Variants in SLC35F1 observed in about 807,000 individuals in gnomAD.
The protein encoded by SLC35F1 is solute carrier family 35 member F1.
In SLC35F1, 14 loss-of-function variants were observed where a neutral mutation model predicts 48.7. The ratio of observed to expected loss-of-function variants is 0.29; its 90% confidence interval spans 0.19 to 0.45. The LOEUF is 0.45. Ranked by LOEUF, SLC35F1 falls within the 20% of genes least tolerant of loss-of-function variation. The pLI is 1.00. For missense variants in SLC35F1, 404 were observed against 500.0 expected (o/e 0.81, Z 1.83); for synonymous variants, 190 against 202.2 (o/e 0.94, Z 0.51).
intron 2 of SLC35F1, among the ~76,000 whole-genome samples, chr6:118,234,770 G>A (rs895614983): frequency 1.3e-5 from 2 of 152,136 alleles, no homozygotes; most frequent in East Asian, 1.9e-4. Flanking sequence ...AATTATTATT[G>A]TTCCTGATCA....
intron 2 of SLC35F1, among the ~76,000 whole-genome samples, chr6:118,161,107 T>C (rs1774224699): frequency 6.6e-6 from 1 of 152,100 alleles, no homozygotes; most frequent in Non-Finnish European, 1.5e-5. Flanking sequence ...GAGAATTTCA[T>C]GTGAAATAAA....
rs537289789 is a variant in SLC35F1 at position 118,267,227 on chromosome 6, G to T, written c.637+73G>T. The stretch of plus-strand genomic sequence containing the variant: ...CAAGGCAAGAAATGGAATGTTCATA[G>T]TTGGGTGAAAACAAGGACCTTAGGA... On this transcript the variant is annotated intron_variant, in intron 4 of 7. Coordinates refer to ENST00000360388, the MANE Select transcript of SLC35F1 (RefSeq NM_001029858.4). 20 of 1,564,756 alleles carry T rather than the reference G, an allele frequency of 1.3e-5. No individual in the cohort carries two copies. In the South Asian group the frequency reaches 2.2e-4, roughly 17 times the overall value.
chr6:118,172,504 G>T (rs1774421298), intron 2 of SLC35F1, among the ~76,000 whole-genome samples: 1 of 152,068 alleles, frequency 6.6e-6, no homozygotes, highest in Non-Finnish European at 1.5e-5. Flanking sequence ...GAAGTAGGTT[G>T]CAGGAATCCC....
chr6:118,297,652 T>A lies in SLC35F1; in HGVS notation c.1002+12314T>A, dbSNP rs866613305. 2.7e-3 allele frequency among the ~76,000 whole-genome samples: 230 copies of A among 84,160 alleles called. 2 individuals carry two copies. The highest frequency in any genetic ancestry group is 0.012 in the African/African-American group (215 of 17,462). The allele number at this position is 84,160 out of a possible 152,430, so 55.2% of individuals were successfully genotyped here. A position where few individuals can be genotyped will look rare whatever the true frequency, so the allele number is the denominator to read the frequency against. On this transcript the variant is annotated intron_variant, in intron 7 of 7. Transcript: ENST00000360388. ...TATATATATATAAAAAATATATATA[T>A]AATATATATAATATTATATAAGTTC...
At position 118,315,562 on chromosome 6, in the gene SLC35F1, CCCGAGTAGCTGGGA is replaced by C. The variant is rs1247861148; in HGVS notation, c.*1312_*1325del. ...TCACACCATTCTCCTGCCTCAGCCTCCCGAGTAGCTGGGACTACAGGCACCTGCCACGACGCCCA... is the reference window on the plus strand; with the variant it reads ...TCACACCATTCTCCTGCCTCAGCCTCCTACAGGCACCTGCCACGACGCCCA... On this transcript the variant is annotated 3_prime_UTR_variant, in exon 8 of 8. Coordinates refer to ENST00000360388, the MANE Select transcript of SLC35F1 (RefSeq NM_001029858.4). 1.3e-5 allele frequency: 2 copies of C among 151,824 alleles called. No individual in the cohort carries two copies. The highest frequency in any genetic ancestry group is 1.9e-4 in the East Asian group (1 of 5,148). The allele number at this position is 151,824 out of a possible 1,614,324, so 9.4% of individuals were successfully genotyped here. A position where few individuals can be genotyped will look rare whatever the true frequency, so the allele number is the denominator to read the frequency against.
chr6:118,102,012 C>T (rs1773265098), intron 1 of SLC35F1, among the ~76,000 whole-genome samples: 2 of 152,098 alleles, frequency 1.3e-5, no homozygotes, highest in Non-Finnish European at 2.9e-5. Flanking sequence ...CTGGTTTTGC[C>T]TTCTCAGTGG....
intron 2 of SLC35F1, among the ~76,000 whole-genome samples, chr6:118,182,485 C>T (rs1387538179): frequency 8.5e-6 from 1 of 117,470 alleles, no homozygotes; most frequent in Non-Finnish European, 1.8e-5. Flanking sequence ...GAGTGAGACC[C>T]TGTCAAAAAA....
intron 1 of SLC35F1, among the ~76,000 whole-genome samples, chr6:118,058,729 T>C (rs1772496118): frequency 6.6e-6 from 1 of 152,196 alleles, no homozygotes; most frequent in African/African-American, 2.4e-5. Flanking sequence ...AAGTTGGAAT[T>C]GTGAGAATAG....
intron 2 of SLC35F1, among the ~76,000 whole-genome samples, chr6:118,185,191 C>T (rs1774638888): frequency 6.6e-6 from 1 of 152,188 alleles, no homozygotes; most frequent in Non-Finnish European, 1.5e-5. Flanking sequence ...TCTTCTGAGT[C>T]CAGGAGGAAT....
At chr6:118,262,344 G>A (rs973399879) in intron 3 of SLC35F1, among the ~76,000 whole-genome samples, 2 of 152,038 alleles carry the variant, frequency 1.3e-5, no homozygotes, top group African/African-American at 4.8e-5. Flanking sequence ...TGTGATTAAA[G>A]GCCACAGAGA....
chr6:117,937,826 G>A (rs373364702), intron 1 of SLC35F1, among the ~76,000 whole-genome samples: 2 of 152,082 alleles, frequency 1.3e-5, no homozygotes, highest in Admixed American at 6.5e-5. Flanking sequence ...AATTCCCTGC[G>A]AATTTCAGGC....
intron 1 of SLC35F1, among the ~76,000 whole-genome samples, chr6:117,997,473 C>T (rs1269305673): frequency 1.3e-5 from 2 of 151,932 alleles, no homozygotes; most frequent in Admixed American, 1.3e-4. Context: ...ACATAACTGT[C>T]AGATTCACCA....
intron 1 of SLC35F1, among the ~76,000 whole-genome samples, chr6:118,030,713 C>T (rs1772032969): frequency 6.6e-6 from 1 of 152,062 alleles, no homozygotes; most frequent in Admixed American, 6.6e-5. Context: ...TGTTGGAGAT[C>T]TTTCTGCTAG....
At chr6:118,135,611 G>T (rs1245186038) in intron 1 of SLC35F1, among the ~76,000 whole-genome samples, 1 of 152,134 alleles carries the variant, frequency 6.6e-6, no homozygotes, top group Non-Finnish European at 1.5e-5. Context: ...AGTCCAGTTG[G>T]ATCTCAGCAT....
intron 1 of SLC35F1, among the ~76,000 whole-genome samples, chr6:118,089,560 A>G (rs377372837): frequency 6.6e-6 from 1 of 152,224 alleles, no homozygotes; most frequent in Non-Finnish European, 1.5e-5. Context: ...GGCATTAACA[A>G]CTAATGGTAA....
At position 118,194,095 on chromosome 6, in the gene SLC35F1, A is replaced by C. The variant is rs1360283688; in HGVS notation, c.349+39475A>C. Among the ~76,000 whole-genome samples, 3 of 152,180 alleles carry C rather than the reference A, an allele frequency of 2.0e-5. No individual in the cohort carries two copies. The East Asian group carries it at 5.8e-4, about 29-fold the overall frequency. ...ACACACAACATATATATAACTACAC[A>C]GACAGACAGAAGAAGATCCAATAGT... On this transcript the variant is annotated intron_variant, in intron 2 of 7. Transcript: ENST00000360388.
chr6:118,256,184 G>A (rs946770682), intron 3 of SLC35F1, among the ~76,000 whole-genome samples: 1 of 151,284 alleles, frequency 6.6e-6, no homozygotes, highest in African/African-American at 2.4e-5. Context: ...CAGCTGGCCT[G>A]TCAGCTTAAA....
chr6:118,201,443 A>G lies in SLC35F1; in HGVS notation c.350-34066A>G, dbSNP rs7771661. Among the ~76,000 whole-genome samples the G allele has an allele frequency of 2.3e-3, 354 of 152,340 alleles. 3 individuals are homozygous for G. The highest frequency in any genetic ancestry group is 7.9e-3 in the African/African-American group (329 of 41,586). ...GTAGGAAGTTGTTATAGAAACCACA[A>G]ACATTTAGATAGATTGTTCCTTAAG... On this transcript the variant is annotated intron_variant, in intron 2 of 7. Coordinates refer to ENST00000360388, the MANE Select transcript of SLC35F1 (RefSeq NM_001029858.4).
intron 2 of SLC35F1, among the ~76,000 whole-genome samples, chr6:118,186,128 G>C (rs760081681): frequency 6.6e-6 from 1 of 152,032 alleles, no homozygotes; most frequent in Non-Finnish European, 1.5e-5. Flanking sequence ...TCTGGGTCAC[G>C]ATATCTGGGC....
Sources: allele counts gnomAD v4.1 joint callset (sites outside exome capture counted in the v4.1 genomes callset), GRCh38; gene constraint gnomAD v4.1.1; transcripts MANE v1.5; gene names NCBI Gene and HGNC (gene_info 2026-07-23, HGNC 2026-07-21).